PPP3CB: variants seen among roughly 807,000 people sequenced by gnomAD.
PPP3CB encodes the protein protein phosphatase 3 catalytic subunit beta, also known as serine/threonine-protein phosphatase 2B catalytic subunit beta isoform.
Under a neutral mutation model 66.4 loss-of-function variants are expected in PPP3CB, and 8 were observed. That is an observed-to-expected ratio of 0.12 (90% CI 0.07 to 0.22). The LOEUF (loss-of-function observed/expected upper bound fraction) is 0.22, where lower values mean the gene tolerates loss of function less well. PPP3CB is among the 10% of genes least tolerant of loss of function. The pLI is 1.00. For synonymous variants in PPP3CB, 208 were observed against 221.2 expected, an observed-to-expected ratio of 0.94 and a Z score of 0.53; for missense variants, 319 against 642.5, an observed-to-expected ratio of 0.50 and a Z score of 5.44.
chr10:73,484,071 G>A (rs541272992), intron 1 of PPP3CB, among the ~76,000 whole-genome samples: 5 of 152,034 alleles, frequency 3.3e-5, no homozygotes, highest in African/African-American at 1.2e-4. Context: ...GAACCTGGTG[G>A]GGTGGAGGTT....
chr10:73,485,441 T>TA (rs573952833), intron 1 of PPP3CB, among the ~76,000 whole-genome samples: 23 of 152,294 alleles, frequency 1.5e-4, no homozygotes, highest in Admixed American at 1.2e-3. Context: ...ACTGCCCTCT[T>TA]AGCCCTATGA....
intron 3 of PPP3CB, among the ~76,000 whole-genome samples, chr10:73,475,767 A>G (rs1215616001): frequency 6.6e-6 from 1 of 152,240 alleles, no homozygotes; most frequent in Non-Finnish European, 1.5e-5. Flanking sequence ...CATAAGAAAG[A>G]GACTCACATT....
At chr10:73,481,654 A>T (rs1473380918) in intron 1 of PPP3CB, among the ~76,000 whole-genome samples, 3 of 151,810 alleles carry the variant, frequency 2.0e-5, no homozygotes, top group Non-Finnish European at 4.4e-5. Flanking sequence ...AAACTAGGTT[A>T]GATTCCTATC....
At chr10:73,484,315 G>T (rs2056935036) in intron 1 of PPP3CB, among the ~76,000 whole-genome samples, 1 of 151,736 alleles carries the variant, frequency 6.6e-6, no homozygotes, top group African/African-American at 2.4e-5. Flanking sequence ...TGTTGCCCAG[G>T]CTGGAGTGCA....
chr10:73,490,384 C>G (rs2057052689), intron 1 of PPP3CB, among the ~76,000 whole-genome samples: 2 of 152,104 alleles, frequency 1.3e-5, no homozygotes, highest in African/African-American at 4.8e-5. Context: ...ATATTTTGTA[C>G]TTTTGTTGTT....
intron 1 of PPP3CB, among the ~76,000 whole-genome samples, chr10:73,487,889 C>T (rs1311735741): frequency 6.6e-6 from 1 of 151,640 alleles, no homozygotes; most frequent in Non-Finnish European, 1.5e-5. Context: ...AAGCGATTCT[C>T]CCTACCTCAG....
intron 9 of PPP3CB, among the ~76,000 whole-genome samples, chr10:73,455,578 TC>T (rs1003691524): frequency 3.3e-5 from 5 of 152,214 alleles, no homozygotes; most frequent in African/African-American, 1.2e-4. Context: ...TTGTCAACTG[TC>T]TTTTTTTTTG....
chr10:73,491,655 G>T (rs2057079710), intron 1 of PPP3CB, among the ~76,000 whole-genome samples: 2 of 152,080 alleles, frequency 1.3e-5, no homozygotes, highest in Non-Finnish European at 2.9e-5. Context: ...TCACACCAAG[G>T]CTATATGGGT....
chr10:73,479,663 T>C (rs1482409612), intron 1 of PPP3CB, 146 bp from the exon 2 acceptor site: 5 of 714,702 alleles, frequency 7.0e-6, no homozygotes, highest in Non-Finnish European at 1.1e-5. Context: ...TTTTTCTAAA[T>C]AGTAAGCAAA....
chr10:73,454,559 T>G, intron 9 of PPP3CB, 70 bp from the exon 10 acceptor site: 1 of 960,250 alleles, frequency 1.0e-6, no homozygotes. Flanking sequence ...ATAGCAACTA[T>G]TTTTACAAAT....
intron 10 of PPP3CB, among the ~76,000 whole-genome samples, chr10:73,446,932 CTG>C: frequency 6.6e-6 from 1 of 152,330 alleles, no homozygotes; most frequent in East Asian, 1.9e-4. Context: ...CCTATAGTCT[CTG>C]TTTAATTTTC....
chr10:73,475,748 T>C (rs764100310), intron 3 of PPP3CB, among the ~76,000 whole-genome samples: 4 of 152,188 alleles, frequency 2.6e-5, no homozygotes, highest in African/African-American at 7.2e-5. Flanking sequence ...ATTCTCTAAA[T>C]AGATTTAACA....
At position 73,474,770 on chromosome 10, in the gene PPP3CB, G is replaced by A. The variant is rs560176049; in HGVS notation, c.523+149C>T. Reference sequence around the variant, plus strand: ...CTTCTTAATACCATTAAACACCAGAGAGTGCTCGACAACTTTCCTCAAAGC... The same window carrying A: ...CTTCTTAATACCATTAAACACCAGAAAGTGCTCGACAACTTTCCTCAAAGC... On this transcript the variant is annotated intron_variant, in intron 4 of 13. Coordinates refer to ENST00000360663, the MANE Select transcript of PPP3CB (RefSeq NM_021132.4). 6 of 1,195,384 alleles carry A rather than the reference G, an allele frequency of 5.0e-6. No homozygotes were observed. The East Asian group carries it at 1.4e-4, about 27-fold the overall frequency. 74.0% of individuals were successfully genotyped at this position (1,195,384 alleles called of 1,614,324 possible).
chr10:73,486,394 C>T (rs1477478702), intron 1 of PPP3CB, among the ~76,000 whole-genome samples: 1 of 150,476 alleles, frequency 6.6e-6, no homozygotes, highest in Non-Finnish European at 1.5e-5. Flanking sequence ...CAACGTCTGC[C>T]TCCCAGGTTC....
chr10:73,447,317 T>C (rs751105765), intron 10 of PPP3CB, among the ~76,000 whole-genome samples: 18 of 152,226 alleles, frequency 1.2e-4, no homozygotes, highest in Non-Finnish European at 2.4e-4. Flanking sequence ...TGTCTACAAC[T>C]GATGTAGAAG....
intron 9 of PPP3CB, among the ~76,000 whole-genome samples, chr10:73,456,235 T>C (rs1024708804): frequency 3.9e-5 from 6 of 152,174 alleles, no homozygotes; most frequent in Non-Finnish European, 7.3e-5. Context: ...GATTCAGATA[T>C]GAAAGGCACA....
At chr10:73,460,915 T>C (rs909516744) in intron 9 of PPP3CB, among the ~76,000 whole-genome samples, 2 of 152,200 alleles carry the variant, frequency 1.3e-5, no homozygotes, top group Non-Finnish European at 2.9e-5. Flanking sequence ...GGCAGAGCCC[T>C]CACAGAGAGA....
At chr10:73,448,789 G>T (rs745910946) in intron 10 of PPP3CB, 3 of 523,056 alleles carry the variant, frequency 5.7e-6, no homozygotes, top group Non-Finnish European at 1.2e-5. Context: ...TGGTACTGAA[G>T]AATGAATGTA....
At chr10:73,465,619 G>A (rs971565746) in intron 9 of PPP3CB, among the ~76,000 whole-genome samples, 7 of 152,122 alleles carry the variant, frequency 4.6e-5, no homozygotes, top group East Asian at 1.9e-4. Flanking sequence ...CACTGCTTTC[G>A]CCTAATTTTG....
Sources: allele counts gnomAD v4.1 joint callset (sites outside exome capture counted in the v4.1 genomes callset), GRCh38; gene constraint gnomAD v4.1.1; transcripts MANE v1.5; gene names NCBI Gene and HGNC (gene_info 2026-07-23, HGNC 2026-07-21).